CSMD3: variants seen among roughly 807,000 people sequenced by gnomAD.
CSMD3 encodes CUB and sushi domain-containing protein 3.
Under a neutral mutation model 435.2 loss-of-function variants are expected in CSMD3, and 177 were observed. The ratio of observed to expected loss-of-function variants is 0.41; its 90% confidence interval spans 0.36 to 0.46. CSMD3 has a LOEUF of 0.46. Ranked by LOEUF, CSMD3 falls within the 20% of genes least tolerant of loss-of-function variation. CSMD3 has a pLI of 0.34. For missense variants in CSMD3, 4,265 were observed against 4,504.6 expected (o/e 0.95, Z 1.52); for synonymous variants, 1,656 against 1,520.5 (o/e 1.09, Z -2.07).
At chr8:112,992,533 A>G in intron 6 of CSMD3, among the ~76,000 whole-genome samples, 1 of 151,790 alleles carries the variant, frequency 6.6e-6, no homozygotes, top group East Asian at 1.9e-4. Context: ...CAAGTCCCTC[A>G]TGGGAAGATT....
chr8:112,844,965 C>A (rs752470064), intron 11 of CSMD3, among the ~76,000 whole-genome samples: 2 of 151,782 alleles, frequency 1.3e-5, no homozygotes, highest in African/African-American at 2.4e-5. Context: ...CATATGATTC[C>A]GGTATAATCA....
chr8:112,521,320 T>C (rs1339679719), intron 27 of CSMD3, among the ~76,000 whole-genome samples: 3 of 152,000 alleles, frequency 2.0e-5, no homozygotes, highest in Admixed American at 1.3e-4. Context: ...TCTATTCCAC[T>C]GTTTTTAAAT....
intron 1 of CSMD3, among the ~76,000 whole-genome samples, chr8:113,358,680 A>T (rs2094250401): frequency 6.6e-6 from 1 of 152,216 alleles, no homozygotes; most frequent in South Asian, 2.1e-4. Flanking sequence ...GTTAGAAGGT[A>T]TGTAGCAAAT....
chr8:112,335,253 T>A (rs2130945514), intron 45 of CSMD3, 76 bp downstream of exon 45: 1 of 1,363,564 alleles, frequency 7.3e-7, no homozygotes, highest in East Asian at 2.4e-5. Context: ...ATTGGTTAAA[T>A]ATATATTACA....
chr8:112,633,054 T>C (rs943292259), intron 22 of CSMD3, among the ~76,000 whole-genome samples: 2 of 152,088 alleles, frequency 1.3e-5, no homozygotes, highest in Non-Finnish European at 2.9e-5. Context: ...TCATCTTGAT[T>C]ACTAACTAGT....
chr8:112,540,543 G>A (rs548838057), intron 27 of CSMD3, among the ~76,000 whole-genome samples: 1 of 152,004 alleles, frequency 6.6e-6, no homozygotes, highest in Non-Finnish European at 1.5e-5. Context: ...CATTTGATGA[G>A]TGGATAAAGA....
At position 112,719,514 on chromosome 8, in the gene CSMD3, G is replaced by C. The variant is rs373588000; in HGVS notation, c.1973-29464C>G. 2.2e-4 allele frequency among the ~76,000 whole-genome samples: 34 copies of C among 152,194 alleles called. 1 individual carries two copies. Among genetic ancestry groups the C allele is most frequent in the African/African-American group, 7.2e-4 (30 of 41,546 alleles). On this transcript the variant is annotated intron_variant, in intron 13 of 70. Transcript: ENST00000297405. ...AAGCTCTTTTTCTAGCTCACAGTTGGCTGCCTTCTTGATATATCCTCACAT... is the reference window on the plus strand; with the variant it reads ...AAGCTCTTTTTCTAGCTCACAGTTGCCTGCCTTCTTGATATATCCTCACAT...
chr8:112,800,083 A>T, intron 13 of CSMD3, 79 bp downstream of exon 13: 1 of 931,788 alleles, frequency 1.1e-6, no homozygotes, highest in Non-Finnish European at 1.8e-6. Flanking sequence ...TTAATTTTGT[A>T]GATGCAATTA....
intron 59 of CSMD3, among the ~76,000 whole-genome samples, chr8:112,279,767 T>A (rs1358111326): frequency 1.3e-5 from 2 of 152,168 alleles, no homozygotes; most frequent in African/African-American, 2.4e-5. Flanking sequence ...CATATCAATA[T>A]TACTGAAGTT....
rs188865004 is a variant in CSMD3, at chr8:112,310,796, A to T, written c.7885+182T>A. On this transcript the variant is annotated intron_variant, in intron 50 of 70. Transcript: ENST00000297405. ...TAACAATAATGAATAATTATAAAAC[A>T]GTATGTTTCTTTCCCCTGGAATTTA... is the stretch of plus-strand genomic sequence containing the variant. 8.0e-5 allele frequency: 56 copies of T among 696,958 alleles called. 2 individuals carry two copies. In the Admixed American group the frequency reaches 8.5e-4, roughly 11 times the overall value. The allele number at this position is 696,958 out of a possible 1,614,324, so 43.2% of individuals were successfully genotyped here.
chr8:112,758,620 G>A (rs2077760677), intron 13 of CSMD3, among the ~76,000 whole-genome samples: 1 of 151,994 alleles, frequency 6.6e-6, no homozygotes, highest in South Asian at 2.1e-4. Flanking sequence ...AAGCTTTGTG[G>A]TTACACCATT....
intron 3 of CSMD3, among the ~76,000 whole-genome samples, chr8:113,203,798 C>T (rs2092739995): frequency 6.6e-6 from 1 of 151,990 alleles, no homozygotes; most frequent in African/African-American, 2.4e-5. Flanking sequence ...GTTTTATCTA[C>T]TTTTAAACAT....
rs577610261 is a variant in CSMD3 at position 113,199,548 on chromosome 8, C to T, written c.515-25632G>A. On this transcript the variant is annotated intron_variant, in intron 3 of 70. Transcript: ENST00000297405. ...TGCCTTATTATTTTTTTAACTAATA[C>T]ATTTTATGCTGGATTTTTCCAACAC... Among the ~76,000 whole-genome samples, 118 of 151,738 alleles carry T rather than the reference C, an allele frequency of 7.8e-4. 1 individual carries two copies. Among genetic ancestry groups the T allele is most frequent in the African/African-American group, 2.7e-3 (112 of 41,444 alleles).
chr8:112,990,945 T>A (rs969267278), intron 6 of CSMD3, among the ~76,000 whole-genome samples: 1 of 151,868 alleles, frequency 6.6e-6, no homozygotes, highest in Non-Finnish European at 1.5e-5. Context: ...AACATTTTTT[T>A]AAAATCCTGA....
At chr8:112,565,742 T>C (rs1420865630) in intron 24 of CSMD3, among the ~76,000 whole-genome samples, 1 of 152,130 alleles carries the variant, frequency 6.6e-6, no homozygotes, top group East Asian at 1.9e-4. Context: ...AAGACAATAG[T>C]ATAATCCATC....
chr8:112,943,202 A>AT (rs1463995908), intron 9 of CSMD3, among the ~76,000 whole-genome samples: 1 of 151,456 alleles, frequency 6.6e-6, no homozygotes, highest in Non-Finnish European at 1.5e-5. Flanking sequence ...ATTTTAAGCA[A>AT]TTTTTCCATA....
chr8:112,374,837 T>C (rs1828791704), intron 38 of CSMD3, among the ~76,000 whole-genome samples: 3 of 152,200 alleles, frequency 2.0e-5, no homozygotes, highest in Admixed American at 6.5e-5. Flanking sequence ...AATATCCTGC[T>C]CTATGTTTTG....
chr8:112,685,741 A>G lies in CSMD3; in HGVS notation c.2156-9T>C. On this transcript the variant is annotated splice_polypyrimidine_tract_variant and intron_variant, in intron 14 of 70. Coordinates refer to ENST00000297405, the MANE Select transcript of CSMD3 (RefSeq NM_198123.2). ...GTTAGACAGGCAGGGAACTGGTGAA[A>G]CAGGAAGATTATGAAATACAATAAA... 6.5e-7 allele frequency: 1 copy of G among 1,536,038 alleles called. No homozygotes were observed. Among genetic ancestry groups the G allele is most frequent in the South Asian group, 1.1e-5 (1 of 89,274 alleles).
chr8:113,177,927 C>A (rs1377883283), intron 3 of CSMD3, among the ~76,000 whole-genome samples: 1 of 151,866 alleles, frequency 6.6e-6, no homozygotes, highest in Non-Finnish European at 1.5e-5. Context: ...ACAAGATAAA[C>A]TTTTAAAATT....
Sources: allele counts gnomAD v4.1 joint callset (sites outside exome capture counted in the v4.1 genomes callset), GRCh38; gene constraint gnomAD v4.1.1; transcripts MANE v1.5; gene names NCBI Gene and HGNC (gene_info 2026-07-23, HGNC 2026-07-21).